The following IL1RAPL1 variants were observed in gnomAD, a reference collection of about 807,000 sequenced individuals.
IL1RAPL1 encodes the protein interleukin-1 receptor accessory protein-like 1.
In IL1RAPL1, 3 loss-of-function variants were observed where a neutral mutation model predicts 48.4. The observed-to-expected ratio is 0.06, with a 90% CI of 0.03 to 0.16. The LOEUF is 0.16. IL1RAPL1 is among the 10% of genes least tolerant of loss of function. The pLI, the probability that IL1RAPL1 is intolerant of heterozygous loss-of-function variation, is 1.00. For synonymous variants in IL1RAPL1, 185 were observed against 187.7 expected, an observed-to-expected ratio of 0.99 and a Z score of 0.12; for missense variants, 349 against 530.6, an observed-to-expected ratio of 0.66 and a Z score of 3.36.
intron 5 of IL1RAPL1, among the ~76,000 whole-genome samples, chrX:29,649,113 A>C (rs1925433478): frequency 8.9e-6 from 1 of 111,943 alleles, no homozygotes; most frequent in African/African-American, 3.2e-5. Flanking sequence ...TTGAATCAGT[A>C]ATAGAAAGTC....
At chrX:29,765,176 C>G (rs1928851446) in intron 6 of IL1RAPL1, among the ~76,000 whole-genome samples, 1 of 109,785 alleles carries the variant, frequency 9.1e-6, no homozygotes, top group African/African-American at 3.3e-5. Flanking sequence ...AAGTGGATTT[C>G]CTTTTATAAC....
intron 5 of IL1RAPL1, among the ~76,000 whole-genome samples, chrX:29,439,623 A>C (rs1409634469): frequency 9.0e-6 from 1 of 111,166 alleles, no homozygotes; most frequent in African/African-American, 3.3e-5. Flanking sequence ...CAGGAAAATG[A>C]AAATTAACTC....
At chrX:29,657,402 A>C (rs1470482449) in intron 5 of IL1RAPL1, among the ~76,000 whole-genome samples, 1 of 111,932 alleles carries the variant, frequency 8.9e-6, no homozygotes, top group Non-Finnish European at 1.9e-5. Context: ...CCAATGAGTA[A>C]TCATGCAGGA....
At chrX:29,341,743 G>C (rs1238964527) in intron 3 of IL1RAPL1, among the ~76,000 whole-genome samples, 3 of 111,404 alleles carry the variant, frequency 2.7e-5, no homozygotes, top group Admixed American at 9.5e-5. Flanking sequence ...CCTTAGGATT[G>C]AAAATAAGCT....
At chrX:28,958,405 T>A (rs1350817215) in intron 2 of IL1RAPL1, among the ~76,000 whole-genome samples, 1 of 111,480 alleles carries the variant, frequency 9.0e-6, no homozygotes, top group Non-Finnish European at 1.9e-5. Context: ...TCATTTCCTA[T>A]GGGTGTGATT....
intron 5 of IL1RAPL1, among the ~76,000 whole-genome samples, chrX:29,533,019 A>G (rs1921094258): frequency 8.9e-6 from 1 of 112,157 alleles, no homozygotes; most frequent in Non-Finnish European, 1.9e-5. Flanking sequence ...TAGCCTAGAG[A>G]CATAACAGTC....
chrX:29,026,695 T>A (rs1450414816), intron 2 of IL1RAPL1, among the ~76,000 whole-genome samples: 1 of 112,204 alleles, frequency 8.9e-6, no homozygotes, highest in African/African-American at 3.2e-5. Flanking sequence ...CCTATTCTTA[T>A]TTTTAGGTGA....
At chrX:29,562,119 T>A (rs1417442737) in intron 5 of IL1RAPL1, among the ~76,000 whole-genome samples, 20 of 25,358 alleles carry the variant, frequency 7.9e-4, no homozygotes, top group South Asian at 3.9e-3. Context: ...CTATCTAATC[T>A]ATCTATCTAT....
intron 3 of IL1RAPL1, among the ~76,000 whole-genome samples, chrX:29,292,304 G>T (rs1454712264): frequency 9.0e-6 from 1 of 111,269 alleles, no homozygotes; most frequent in African/African-American, 3.3e-5. Flanking sequence ...TGAATGGCTT[G>T]TCCTAAATCA....
At chrX:29,614,565 A>AACATTCT (rs1924220185) in intron 5 of IL1RAPL1, among the ~76,000 whole-genome samples, 2 of 111,999 alleles carry the variant, frequency 1.8e-5, no homozygotes, top group African/African-American at 6.5e-5. Context: ...TTCTGTCTTT[A>AACATTCT]GTTAAAAAAA....
intron 5 of IL1RAPL1, among the ~76,000 whole-genome samples, chrX:29,498,042 T>G (rs1256681856): frequency 8.9e-6 from 1 of 112,481 alleles, no homozygotes; most frequent in Non-Finnish European, 1.9e-5. Context: ...TTCTTACTAG[T>G]TACTTGGCAC....
intron 1 of IL1RAPL1, among the ~76,000 whole-genome samples, chrX:28,703,536 C>T (rs1460953413): frequency 1.8e-5 from 2 of 110,993 alleles, no homozygotes; most frequent in East Asian, 2.9e-4. Flanking sequence ...AGGGGATGTG[C>T]AGTTATTTTC....
chrX:29,853,258 C>A (rs1037287276), intron 6 of IL1RAPL1, among the ~76,000 whole-genome samples: 3 of 106,483 alleles, frequency 2.8e-5, no homozygotes, highest in African/African-American at 1.0e-4. Context: ...ACTTGGGAGG[C>A]TGAGGTGGGA....
At chrX:29,228,180 A>G (rs1172316827) in intron 2 of IL1RAPL1, among the ~76,000 whole-genome samples, 10 of 5,927 alleles carry the variant, frequency 1.7e-3, no homozygotes, top group Non-Finnish European at 2.9e-3. Flanking sequence ...ACACGCGTGC[A>G]CACACACACA....
chrX:29,139,464 T>C (rs962349603), intron 2 of IL1RAPL1, among the ~76,000 whole-genome samples: 10 of 111,872 alleles, frequency 8.9e-5, no homozygotes, highest in Non-Finnish European at 7.5e-5. Flanking sequence ...TACAATTTTA[T>C]CTTTAGCCTA....
intron 5 of IL1RAPL1, among the ~76,000 whole-genome samples, chrX:29,415,370 A>G (rs1291872598): frequency 9.0e-6 from 1 of 111,406 alleles, no homozygotes; most frequent in Non-Finnish European, 1.9e-5. Context: ...TATATAATAT[A>G]TATCTATAAA....
intron 6 of IL1RAPL1, among the ~76,000 whole-genome samples, chrX:29,713,271 T>C (rs887931820): frequency 2.7e-5 from 3 of 111,963 alleles, no homozygotes; most frequent in African/African-American, 9.7e-5. Context: ...AATTAATACA[T>C]TGCATATATC....
At chrX:28,916,276 T>C (rs1923488572) in intron 2 of IL1RAPL1, among the ~76,000 whole-genome samples, 2 of 111,207 alleles carry the variant, frequency 1.8e-5, no homozygotes, top group South Asian at 7.8e-4. Flanking sequence ...TCCCCATTCT[T>C]AGGTCAATTC....
At chrX:29,784,061 G>A (rs1287385851) in intron 6 of IL1RAPL1, among the ~76,000 whole-genome samples, 1 of 111,748 alleles carries the variant, frequency 8.9e-6, no homozygotes, top group South Asian at 3.7e-4. Flanking sequence ...TCTTTTAAAC[G>A]TTGGCTGAGG....
Sources: gnomAD v4.1 joint callset for allele counts (sites outside exome capture counted in the v4.1 genomes callset) on GRCh38, gnomAD v4.1.1 for gene constraint, MANE v1.5 for transcripts, NCBI Gene and HGNC (gene_info 2026-07-23, HGNC 2026-07-21) for gene names.